The following TECPR2 variants were observed in gnomAD, a reference collection of about 807,000 sequenced individuals.
TECPR2 encodes tectonin beta-propeller repeat containing 2, also known as tectonin beta-propeller repeat-containing protein 2.
A neutral mutation model predicts 138.1 loss-of-function variants in TECPR2; 65 were observed. That is an observed-to-expected ratio of 0.47 (90% CI 0.39 to 0.58). The LOEUF (loss-of-function observed/expected upper bound fraction) is 0.58, where lower values mean the gene tolerates loss of function less well. Ranked by LOEUF, TECPR2 falls within the 20% of genes least tolerant of loss-of-function variation. The probability of loss-of-function intolerance (pLI) is 0.00; values close to 1 mark genes in which losing one functional copy is unlikely to be tolerated. For synonymous variants in TECPR2, 746 were observed against 749.8 expected (o/e 0.99, Z 0.08); for missense variants, 1,553 against 1,824.5 (o/e 0.85, Z 2.71).
intron 17 of TECPR2, among the ~76,000 whole-genome samples, chr14:102,479,975 A>G (rs1890850386): frequency 6.6e-6 from 1 of 152,220 alleles, no homozygotes; most frequent in Admixed American, 6.5e-5. Context: ...TGCGGGCAGA[A>G]TCTGTTACTT....
chr14:102,483,503 G>T (rs939917702), intron 17 of TECPR2, among the ~76,000 whole-genome samples: 3 of 151,904 alleles, frequency 2.0e-5, no homozygotes, highest in African/African-American at 7.3e-5. Context: ...GCACAATGGC[G>T]CAATCACAGC....
At chr14:102,475,198 C>T (rs1170141805) in intron 17 of TECPR2, among the ~76,000 whole-genome samples, 1 of 152,146 alleles carries the variant, frequency 6.6e-6, no homozygotes, top group Non-Finnish European at 1.5e-5. Context: ...GGCACTGGTA[C>T]AAGAAAGGCA....
chr14:102,452,279 G>A, intron 15 of TECPR2, 115 bp from the exon 16 acceptor site: 2 of 981,194 alleles, frequency 2.0e-6, no homozygotes, highest in Non-Finnish European at 3.0e-6. Context: ...GAGTGAGCTG[G>A]CATCTGTGGC....
At position 102,434,828 on chromosome 14, in the gene TECPR2, G is replaced by T; in HGVS notation, c.2011G>T (p.Glu671Ter). 1 of 1,613,428 alleles carries T rather than the reference G, an allele frequency of 6.2e-7. No individual in the cohort carries two copies. The highest frequency in any genetic ancestry group is 8.5e-7 in the Non-Finnish European group (1 of 1,180,032). Residue 671 changes from glutamate (E) to a stop codon, truncating the protein, a stop_gained, in exon 9 of 20, where the codon GAA becomes TAA. Transcript: ENST00000359520. LOFTEE classifies it high-confidence loss of function. Reference protein sequence around the residue: ...EQWLPGTRADEGSPVEPSQEQ... With the variant: ...EQWLPGTRAD ...GTGGCTGCCTGGGACCAGAGCTGAT[G>T]AAGGCAGCCCCGTGGAGCCCAGCCA... is the stretch of plus-strand genomic sequence containing the variant.
chr14:102,438,320 C>G, intron 10 of TECPR2, 115 bp downstream of exon 10: 1 of 1,303,362 alleles, frequency 7.7e-7, no homozygotes, highest in Non-Finnish European at 1.0e-6. Flanking sequence ...TCTGGGCTCA[C>G]GCTGCCGTGC....
rs1030732397 is a variant in TECPR2 at position 102,499,633 on chromosome 14, G to T, written c.*1376G>T. 6 of 212,864 alleles carry T rather than the reference G, an allele frequency of 2.8e-5. No homozygotes were observed. Among genetic ancestry groups the T allele is most frequent in the African/African-American group, 6.9e-5 (3 of 43,502 alleles). 13.2% of individuals were successfully genotyped at this position (212,864 alleles called of 1,614,324 possible). ...GGCTGCTGTGGCCCCTTCAGACAAT[G>T]GGCAGTGCCCACCCCGCCCACTGGC... On this transcript the variant is annotated 3_prime_UTR_variant, in exon 20 of 20. Coordinates refer to ENST00000359520, the MANE Select transcript of TECPR2 (RefSeq NM_014844.5).
chr14:102,464,975 C>T (rs570410519), intron 16 of TECPR2, among the ~76,000 whole-genome samples, 166 bp from the exon 17 acceptor site: 4 of 152,192 alleles, frequency 2.6e-5, no homozygotes, highest in East Asian at 1.9e-4. Context: ...TCCACACAGC[C>T]GATGTGGATG....
At chr14:102,474,289 A>C (rs1595143485) in intron 17 of TECPR2, among the ~76,000 whole-genome samples, 1 of 152,014 alleles carries the variant, frequency 6.6e-6, no homozygotes, top group East Asian at 1.9e-4. Flanking sequence ...AAAAATAAAA[A>C]ATAATTTCTC....
chr14:102,379,478 TGGTC>T lies in TECPR2; in HGVS notation c.219+2539_219+2542del, dbSNP rs1362100634. Among the ~76,000 whole-genome samples, 789 of 150,466 alleles carry T rather than the reference TGGTC, an allele frequency of 5.2e-3. 1 individual carries two copies. The highest frequency in any genetic ancestry group is 0.014 in the Middle Eastern group (4 of 286). On this transcript the variant is annotated intron_variant, in intron 2 of 19. Transcript: ENST00000359520. ...TTAAAATCCATGCACAGAGGCGTCC[TGGTC>T]ACACTGCTAAAGATCACCATCTTAA...
rs1483586533 is a variant in TECPR2, at chr14:102,415,858, A to AATGT, written c.638+1065_638+1066insATGT. The stretch of plus-strand genomic sequence containing the variant: ...GGCCCTGTGGAGAGTGACAGCAGGG[A>AATGT]CTGGGAAACATGGTGAGATTGGCAG... On this transcript the variant is annotated intron_variant, in intron 5 of 19. Coordinates refer to ENST00000359520, the MANE Select transcript of TECPR2 (RefSeq NM_014844.5). The surrounding 1 kb of genome is among the most constrained non-coding windows in gnomAD (Gnocchi z 4.3). 1.3e-5 allele frequency among the ~76,000 whole-genome samples: 2 copies of AATGT among 152,094 alleles called. No individual in the cohort carries two copies. The highest frequency in any genetic ancestry group is 1.9e-4 in the East Asian group (1 of 5,184).
intron 16 of TECPR2, among the ~76,000 whole-genome samples, chr14:102,456,978 C>T (rs1400291181): frequency 6.6e-6 from 1 of 152,108 alleles, no homozygotes; most frequent in East Asian, 1.9e-4. Context: ...TTCACTATGC[C>T]AGGGTAGGGG....
At chr14:102,363,905 T>A (rs769177415) in intron 1 of TECPR2, among the ~76,000 whole-genome samples, 7 of 152,222 alleles carry the variant, frequency 4.6e-5, no homozygotes, top group Admixed American at 1.3e-4. Flanking sequence ...CTAGCCTGCG[T>A]TCTCGCCCTC....
chr14:102,430,252 G>T (rs1033605201), intron 7 of TECPR2, among the ~76,000 whole-genome samples: 3 of 152,196 alleles, frequency 2.0e-5, no homozygotes, highest in African/African-American at 7.2e-5. Flanking sequence ...GGGATTACAG[G>T]CATGAGCCAC....
rs537895522 is a variant in TECPR2 at position 102,497,242 on chromosome 14, C to T, written c.3931+122C>T. On this transcript the variant is annotated intron_variant, in intron 18 of 19. Transcript: ENST00000359520. ...AGCCTTTGTGCTGGGGCTGTGCTGT[C>T]GCCGCTGCTTCCTGGGCCAGGGGAC... 4.2e-4 allele frequency: 591 copies of T among 1,417,190 alleles called. 8 individuals carry two copies. The South Asian group carries it at 7.9e-3, about 19-fold the overall frequency. The allele number at this position is 1,417,190 out of a possible 1,614,324, so 87.8% of individuals were successfully genotyped here. A position where few individuals can be genotyped will look rare whatever the true frequency, so the allele number is the denominator to read the frequency against.
intron 18 of TECPR2, 119 bp downstream of exon 18, chr14:102,497,239 T>C: frequency 7.0e-7 from 1 of 1,422,840 alleles, no homozygotes. Flanking sequence ...GGGGCTGTGC[T>C]GTCGCCGCTG....
At chr14:102,439,786 T>C (rs926791203) in intron 10 of TECPR2, among the ~76,000 whole-genome samples, 6 of 152,256 alleles carry the variant, frequency 3.9e-5, no homozygotes, top group African/African-American at 1.4e-4. Context: ...TGACACTCGG[T>C]GATCACTGGT....
intron 3 of TECPR2, 101 bp from the exon 4 acceptor site, chr14:102,408,387 C>G (rs1412481600): frequency 7.6e-7 from 1 of 1,322,786 alleles, no homozygotes; most frequent in Non-Finnish European, 1.0e-6. Flanking sequence ...AAAACCAGCT[C>G]TTCCCTAACT....
At chr14:102,421,555 G>T (rs970206328) in intron 5 of TECPR2, among the ~76,000 whole-genome samples, 2 of 152,174 alleles carry the variant, frequency 1.3e-5, no homozygotes, top group Non-Finnish European at 2.9e-5. Flanking sequence ...CTCTAGGGTT[G>T]GGTGTGCTGC....
Position 102,415,555 on chromosome 14 carries a change from T to G in TECPR2, c.638+762T>G, listed in dbSNP as rs1464497575. On this transcript the variant is annotated intron_variant, in intron 5 of 19. Coordinates refer to ENST00000359520, the MANE Select transcript of TECPR2 (RefSeq NM_014844.5). This position sits in a 1 kb window ranked among gnomAD's most constrained non-coding sequence, Gnocchi z 4.3. ...ACTCTTGTAGGACTCTGCAGCGAGTTTGCGTGGGGATGGGGTGAGGAGGGG... is the reference window on the plus strand; with the variant it reads ...ACTCTTGTAGGACTCTGCAGCGAGTGTGCGTGGGGATGGGGTGAGGAGGGG... 6.6e-6 allele frequency among the ~76,000 whole-genome samples: 1 copy of G among 151,914 alleles called. No individual in the cohort carries two copies. The highest frequency in any genetic ancestry group is 1.5e-5 in the Non-Finnish European group (1 of 67,984).
Sources: allele counts gnomAD v4.1 joint callset (sites outside exome capture counted in the v4.1 genomes callset), GRCh38; gene constraint gnomAD v4.1.1; non-coding constraint Gnocchi (gnomAD v3.1); transcripts MANE v1.5; gene names NCBI Gene and HGNC (gene_info 2026-07-23, HGNC 2026-07-21).